SYT9: variants seen among roughly 807,000 people sequenced by gnomAD.
The protein encoded by SYT9 is synaptotagmin-9.
Under a neutral mutation model 48.4 loss-of-function variants are expected in SYT9, and 22 were observed. The ratio of observed to expected loss-of-function variants is 0.45; its 90% CI spans 0.32 to 0.65. The LOEUF (loss-of-function observed/expected upper bound fraction) is 0.65. SYT9 is among the 30% of genes least tolerant of loss of function. The probability of loss-of-function intolerance (pLI) is 0.03; values close to 1 mark genes in which losing one functional copy is unlikely to be tolerated. For synonymous variants in SYT9, 265 were observed against 245.0 expected (o/e 1.08, Z -0.76); for missense variants, 577 against 622.0 (o/e 0.93, Z 0.77).
intron 6 of SYT9, among the ~76,000 whole-genome samples, chr11:7,430,381 A>G (rs948478384): frequency 4.6e-5 from 7 of 152,230 alleles, no homozygotes; most frequent in African/African-American, 1.7e-4. Context: ...ATGGTACACT[A>G]TGATGAGTTA....
chr11:7,318,681 C>A (rs564578008), intron 3 of SYT9, among the ~76,000 whole-genome samples: 1 of 152,088 alleles, frequency 6.6e-6, no homozygotes, highest in African/African-American at 2.4e-5. Context: ...GTTGAGTAAG[C>A]CTTTTTATCA....
At chr11:7,288,350 T>G (rs1255477950) in intron 1 of SYT9, among the ~76,000 whole-genome samples, 1 of 152,202 alleles carries the variant, frequency 6.6e-6, no homozygotes, top group Non-Finnish European at 1.5e-5. Context: ...TCTCTTATAT[T>G]TTTATGATAA....
At chr11:7,292,308 T>C (rs2133920672) in intron 1 of SYT9, among the ~76,000 whole-genome samples, 1 of 152,212 alleles carries the variant, frequency 6.6e-6, no homozygotes, top group African/African-American at 2.4e-5. Flanking sequence ...CTGTGGGAAG[T>C]GTAAAGATTT....
At chr11:7,330,799 C>T (rs1270076055) in intron 3 of SYT9, among the ~76,000 whole-genome samples, 2 of 152,058 alleles carry the variant, frequency 1.3e-5, no homozygotes, top group Non-Finnish European at 2.9e-5. Flanking sequence ...CGGGTTCAAG[C>T]GATTCTCCTG....
intron 3 of SYT9, among the ~76,000 whole-genome samples, chr11:7,398,679 T>A (rs1846811843): frequency 6.6e-6 from 1 of 152,198 alleles, no homozygotes; most frequent in African/African-American, 2.4e-5. Context: ...CATCAGTATA[T>A]TACTATTCTC....
At chr11:7,370,360 C>T (rs1192000786) in intron 3 of SYT9, among the ~76,000 whole-genome samples, 1 of 151,986 alleles carries the variant, frequency 6.6e-6, no homozygotes, top group Non-Finnish European at 1.5e-5. Flanking sequence ...TTTCCTTTTG[C>T]CCCTATTTTG....
At chr11:7,360,718 C>A (rs1186699391) in intron 3 of SYT9, among the ~76,000 whole-genome samples, 1 of 152,118 alleles carries the variant, frequency 6.6e-6, no homozygotes, top group Admixed American at 6.5e-5. Context: ...TCCTACTGTT[C>A]ATGTTGTTAT....
At chr11:7,323,608 T>C (rs1251753674) in intron 3 of SYT9, among the ~76,000 whole-genome samples, 1 of 152,068 alleles carries the variant, frequency 6.6e-6, no homozygotes, top group Non-Finnish European at 1.5e-5. Context: ...AAAACCTGAA[T>C]GGATATTGAA....
chr11:7,406,539 T>C (rs1159223640), intron 3 of SYT9, among the ~76,000 whole-genome samples: 8 of 18,882 alleles, frequency 4.2e-4, no homozygotes, highest in African/African-American at 7.7e-4. Context: ...ATTGCGCATA[T>C]ATATATATAT....
rs757452462 is a variant in SYT9 at position 7,303,097 on chromosome 11, C to T, written c.204C>T (p.Gly68=). Residue 68 remains glycine, a synonymous_variant, in exon 2 of 7, where the codon GGC becomes GGT. Coordinates refer to ENST00000318881, the MANE Select transcript of SYT9 (RefSeq NM_175733.4). ...CTGCCTGTGGTCTCGCTCTCTTTGG[C>T]GTGTCTCTCTTCGTATCTTGGAAAC... The part of the protein sequence containing the change: ...VVTACGLALF[G]VSLFVSWKLC... 1.6e-5 allele frequency: 26 copies of T among 1,614,190 alleles called. No individual in the cohort carries two copies. The highest frequency in any genetic ancestry group is 1.8e-5 in the Non-Finnish European group (21 of 1,180,032).
intron 6 of SYT9, among the ~76,000 whole-genome samples, chr11:7,458,982 C>T (rs1053783257): frequency 6.6e-6 from 1 of 152,216 alleles, no homozygotes; most frequent in African/African-American, 2.4e-5. Flanking sequence ...TAGGAGTCTA[C>T]TGCTATAATC....
At chr11:7,283,738 C>T (rs1848546678) in intron 1 of SYT9, among the ~76,000 whole-genome samples, 1 of 152,046 alleles carries the variant, frequency 6.6e-6, no homozygotes, top group East Asian at 1.9e-4. Flanking sequence ...CTTTCTGTGC[C>T]TAGATTCTTT....
intron 3 of SYT9, among the ~76,000 whole-genome samples, chr11:7,341,557 G>A (rs1225136386): frequency 1.3e-5 from 2 of 152,082 alleles, no homozygotes; most frequent in East Asian, 1.9e-4. Context: ...ATGATTGTGA[G>A]GCCTCCTCAG....
At chr11:7,320,782 A>G (rs765775779) in intron 3 of SYT9, among the ~76,000 whole-genome samples, 1 of 152,232 alleles carries the variant, frequency 6.6e-6, no homozygotes, top group Non-Finnish European at 1.5e-5. Flanking sequence ...TATTGAGTGT[A>G]AAAATGATGG....
Position 7,344,540 on chromosome 11 carries a change from A to G in SYT9, c.1044+30599A>G, listed in dbSNP as rs144826945. ...GAAGTTCTATCATTTTAGCTCTTGC[A>G]TTTATAACTACAATCCATTTTGAGT... On this transcript the variant is annotated intron_variant, in intron 3 of 6. Transcript: ENST00000318881. 3.4e-3 allele frequency among the ~76,000 whole-genome samples: 517 copies of G among 152,208 alleles called. 3 individuals are homozygous for G. Among genetic ancestry groups the G allele is most frequent in the African/African-American group, 0.011 (476 of 41,532 alleles).
chr11:7,293,483 C>G (rs1443118120), intron 1 of SYT9, among the ~76,000 whole-genome samples: 1 of 152,186 alleles, frequency 6.6e-6, no homozygotes, highest in Non-Finnish European at 1.5e-5. Flanking sequence ...ACATACATGT[C>G]TGCTGCAAGA....
intron 6 of SYT9, among the ~76,000 whole-genome samples, chr11:7,424,712 T>C (rs1847421684): frequency 6.6e-6 from 1 of 152,196 alleles, no homozygotes. Flanking sequence ...TATTATCCTA[T>C]AGGCATAGGT....
At chr11:7,367,725 T>A (rs983130612) in intron 3 of SYT9, among the ~76,000 whole-genome samples, 2 of 152,222 alleles carry the variant, frequency 1.3e-5, no homozygotes, top group Non-Finnish European at 2.9e-5. Flanking sequence ...TGCTTTTTGA[T>A]ATTGCTGTGT....
At chr11:7,319,422 C>T (rs1849301826) in intron 3 of SYT9, among the ~76,000 whole-genome samples, 1 of 151,346 alleles carries the variant, frequency 6.6e-6, no homozygotes, top group Non-Finnish European at 1.5e-5. Context: ...GTCTTCTGAC[C>T]TCCAATTGTT....
Sources: allele counts gnomAD v4.1 joint callset (sites outside exome capture counted in the v4.1 genomes callset), GRCh38; gene constraint gnomAD v4.1.1; transcripts MANE v1.5; gene names NCBI Gene and HGNC (gene_info 2026-07-23, HGNC 2026-07-21).